GALNT13: variants seen among roughly 807,000 people sequenced by gnomAD.
GALNT13 encodes polypeptide N-acetylgalactosaminyltransferase 13.
In GALNT13, 28 loss-of-function variants were observed where a neutral mutation model predicts 64.2. That is an observed-to-expected ratio of 0.44 (90% CI 0.32 to 0.60). The LOEUF (loss-of-function observed/expected upper bound fraction) is 0.60, where lower values mean the gene tolerates loss of function less well. Ranked by LOEUF, GALNT13 falls within the 20% of genes least tolerant of loss-of-function variation. The pLI is 0.05. For synonymous variants in GALNT13, 214 were observed against 224.6 expected (o/e 0.95, Z 0.42); for missense variants, 577 against 669.8 (o/e 0.86, Z 1.53).
At chr2:153,777,718 A>C in the GALNT13 span, among the ~76,000 whole-genome samples, 8 of 152,172 alleles carry the variant, frequency 5.3e-5, no homozygotes, top group Admixed American at 6.5e-5. Flanking sequence ...GCATACAGAC[A>C]GCAGGCTTCG....
intron 1 of GALNT13, among the ~76,000 whole-genome samples, chr2:153,890,543 C>T (rs1687480864): frequency 1.3e-5 from 2 of 152,054 alleles, no homozygotes; most frequent in South Asian, 4.1e-4. Context: ...TTTCTCAATC[C>T]AGGTTCACAC....
chr2:154,233,802 T>C (rs1160604222), intron 4 of GALNT13, among the ~76,000 whole-genome samples: 1 of 152,060 alleles, frequency 6.6e-6, no homozygotes, highest in African/African-American at 2.4e-5. Context: ...TCGGGGACGG[T>C]CCCAGTTGTG....
chr2:153,874,546 G>GT (rs1686224639), intron 1 of GALNT13, among the ~76,000 whole-genome samples: 3 of 152,024 alleles, frequency 2.0e-5, no homozygotes, highest in African/African-American at 7.2e-5. Flanking sequence ...TGAGAATGGA[G>GT]GCTGTCTCAG....
chr2:153,977,302 A>T (rs904730332), intron 3 of GALNT13, among the ~76,000 whole-genome samples: 1 of 152,188 alleles, frequency 6.6e-6, no homozygotes, highest in Non-Finnish European at 1.5e-5. Flanking sequence ...TGCAGCTAAT[A>T]AAGACATACC....
At chr2:153,274,399 G>A in the GALNT13 span, among the ~76,000 whole-genome samples, 1 of 152,070 alleles carries the variant, frequency 6.6e-6, no homozygotes, top group Admixed American at 6.6e-5. Context: ...ACATTTTCTA[G>A]TAGCCAACTC....
the GALNT13 span, among the ~76,000 whole-genome samples, chr2:153,498,768 C>T: frequency 6.6e-6 from 1 of 152,310 alleles, no homozygotes; most frequent in African/African-American, 2.4e-5. Flanking sequence ...GCCTGAAATG[C>T]GGTGAGCAGG....
intron 3 of GALNT13, among the ~76,000 whole-genome samples, chr2:154,089,858 G>A (rs1243540986): frequency 7.8e-6 from 1 of 128,416 alleles, no homozygotes; most frequent in South Asian, 2.5e-4. Flanking sequence ...TGGTTGTTTT[G>A]CTGTGGAGAA....
intron 1 of GALNT13, among the ~76,000 whole-genome samples, chr2:153,885,883 A>G (rs866314268): frequency 2.6e-4 from 39 of 152,196 alleles, no homozygotes; most frequent in African/African-American, 8.2e-4. Flanking sequence ...CCACAAAAAA[A>G]TTTACTAACC....
chr2:153,112,045 T>G, the GALNT13 span, among the ~76,000 whole-genome samples: 1 of 152,144 alleles, frequency 6.6e-6, no homozygotes, highest in Non-Finnish European at 1.5e-5. Flanking sequence ...CCAAATCAAG[T>G]GACTGCCTGG....
chr2:154,360,649 G>A (rs1274170132), intron 9 of GALNT13, among the ~76,000 whole-genome samples: 1 of 152,142 alleles, frequency 6.6e-6, no homozygotes, highest in East Asian at 1.9e-4. Flanking sequence ...ATGTGTGGAT[G>A]GATGTCTCAT....
rs150706761 is a variant in GALNT13, at chr2:153,914,212, G to A, written c.-105+13205G>A. ...CAGGAAGAATGAACATTCTGCTCTTGTTCACAAATCAAAGAGAACACTGTC... is the reference window on the plus strand; with the variant it reads ...CAGGAAGAATGAACATTCTGCTCTTATTCACAAATCAAAGAGAACACTGTC... On this transcript the variant is annotated intron_variant, in intron 2 of 12. Transcript: ENST00000392825. Among the ~76,000 whole-genome samples, 615 of 152,228 alleles carry A rather than the reference G, an allele frequency of 4.0e-3. 3 individuals are homozygous for A. Among genetic ancestry groups the A allele is most frequent in the African/African-American group, 0.014 (588 of 41,554 alleles).
intron 9 of GALNT13, among the ~76,000 whole-genome samples, chr2:154,370,886 A>G (rs1697647903): frequency 6.6e-6 from 1 of 152,152 alleles, no homozygotes; most frequent in Admixed American, 6.6e-5. Context: ...AAAGAGTCTC[A>G]GAATTAAGTC....
At chr2:153,921,942 CAT>C (rs1471560775) in intron 2 of GALNT13, among the ~76,000 whole-genome samples, 1 of 151,754 alleles carries the variant, frequency 6.6e-6, no homozygotes, top group Non-Finnish European at 1.5e-5. Context: ...TAAGGATAAA[CAT>C]AATTTAAATA....
the GALNT13 span, among the ~76,000 whole-genome samples, chr2:153,295,386 T>C: frequency 1.3e-5 from 2 of 152,162 alleles, no homozygotes; most frequent in Non-Finnish European, 2.9e-5. Flanking sequence ...TATCTCACAT[T>C]ACAGTCTTAG....
chr2:154,229,578 T>C (rs1296845667), intron 4 of GALNT13, among the ~76,000 whole-genome samples: 1 of 151,996 alleles, frequency 6.6e-6, no homozygotes, highest in Non-Finnish European at 1.5e-5. Context: ...AATAAATATA[T>C]AAAATTTACT....
chr2:153,193,680 C>T, the GALNT13 span, among the ~76,000 whole-genome samples: 1 of 150,954 alleles, frequency 6.6e-6, no homozygotes, highest in Admixed American at 6.6e-5. Flanking sequence ...AATCCTGTCT[C>T]TTCCTCATTT....
chr2:153,394,565 A>AG, the GALNT13 span, among the ~76,000 whole-genome samples: 1 of 152,098 alleles, frequency 6.6e-6, no homozygotes, highest in Non-Finnish European at 1.5e-5. Flanking sequence ...CTACAGTTAT[A>AG]AAACTTAGCA....
the GALNT13 span, among the ~76,000 whole-genome samples, chr2:153,708,914 G>A: frequency 3.3e-5 from 5 of 152,098 alleles, no homozygotes; most frequent in African/African-American, 7.2e-5. Context: ...ATTGGTGTGG[G>A]AAAAACTGGA....
the GALNT13 span, chr2:153,421,562 A>C: frequency 4.2e-6 from 1 of 235,502 alleles, no homozygotes; most frequent in Non-Finnish European, 9.7e-6. Flanking sequence ...AAAGCTGTGG[A>C]AAACCGAGAA....
Sources: allele counts gnomAD v4.1 joint callset (sites outside exome capture counted in the v4.1 genomes callset), GRCh38; gene constraint gnomAD v4.1.1; transcripts MANE v1.5; gene names NCBI Gene and HGNC (gene_info 2026-07-23, HGNC 2026-07-21).